FANCA: variants seen among roughly 807,000 people sequenced by gnomAD.
The protein encoded by FANCA is Fanconi anemia group A protein.
Under a neutral mutation model 194.3 loss-of-function variants are expected in FANCA, and 236 were observed. The observed-to-expected ratio is 1.21, with a 90% CI of 1.09 to 1.35. FANCA has a LOEUF of 1.35. Among genes scored for constraint, FANCA ranks in the 40% most tolerant of loss-of-function variants. FANCA has a pLI of 0.00. For synonymous variants in FANCA, 1,014 were observed against 715.8 expected (o/e 1.42, Z -6.65); for missense variants, 2,628 against 1,813.9 (o/e 1.45, Z -8.15).
At chr16:89,757,924 C>T (rs556487098) in intron 30 of FANCA, among the ~76,000 whole-genome samples, 2 of 152,136 alleles carry the variant, frequency 1.3e-5, no homozygotes, top group South Asian at 2.1e-4. Context: ...GTCGCCCAGT[C>T]GGCTCACTGC....
intron 30 of FANCA, among the ~76,000 whole-genome samples, chr16:89,756,558 G>A (rs956956823): frequency 2.0e-5 from 3 of 152,312 alleles, no homozygotes; most frequent in South Asian, 2.1e-4. Flanking sequence ...CCAGGAGGTC[G>A]AGGCTGCAGT....
intron 2 of FANCA, 70 bp downstream of exon 2, chr16:89,815,807 C>T: frequency 8.3e-7 from 1 of 1,210,340 alleles, no homozygotes; most frequent in Non-Finnish European, 1.2e-6. Context: ...CTTAGGAAAG[C>T]TGTGCGGTGG....
At chr16:89,756,869 C>T (rs546944994) in intron 30 of FANCA, among the ~76,000 whole-genome samples, 1 of 152,314 alleles carries the variant, frequency 6.6e-6, no homozygotes, top group South Asian at 2.1e-4. Context: ...CATCCCTGCA[C>T]TGTTACCCCC....
At position 89,814,631 on chromosome 16, in the gene FANCA, A is replaced by G. The variant is rs1368096418; in HGVS notation, c.190-18T>C. On this transcript the variant is annotated intron_variant, in intron 2 of 42. Transcript: ENST00000389301. ...CCTTCTACCTAGAATCCAAAACACA[A>G]CAAACTCCATTTAAAAAATTCAAGC... 11 of 1,582,186 alleles carry G rather than the reference A, an allele frequency of 7.0e-6. No individual in the cohort carries two copies. Among genetic ancestry groups the G allele is most frequent in the Non-Finnish European group, 9.6e-6 (11 of 1,151,210 alleles).
intron 6 of FANCA, 46 bp from the exon 7 acceptor site, chr16:89,805,438 T>C: frequency 6.8e-7 from 1 of 1,476,898 alleles, no homozygotes; most frequent in Non-Finnish European, 9.4e-7. Context: ...CTAAATCCCA[T>C]CATCAGGGGA....
At chr16:89,763,210 G>A (rs2039011907) in intron 28 of FANCA, among the ~76,000 whole-genome samples, 1 of 151,782 alleles carries the variant, frequency 6.6e-6, no homozygotes, top group African/African-American at 2.4e-5. Context: ...TTGTGCCACT[G>A]CACTCCAGCC....
At position 89,788,335 on chromosome 16, in the gene FANCA, C is replaced by T. The variant is rs571224648; in HGVS notation, c.1359+3068G>A. On this transcript the variant is annotated intron_variant, in intron 14 of 42. Coordinates refer to ENST00000389301, the MANE Select transcript of FANCA (RefSeq NM_000135.4). ...AATTAGCCAGGTGTGGTGGCAGGCA[C>T]CTGTAGTCCCAGCTACTCAGGAGGC... Among the ~76,000 whole-genome samples, 3 of 152,220 alleles carry T rather than the reference C, an allele frequency of 2.0e-5. No homozygotes were observed. The South Asian group carries it at 6.2e-4, about 32-fold the overall frequency.
Position 89,791,023 on chromosome 16 carries a change from G to GTTT in FANCA, c.1359+377_1359+379dup, listed in dbSNP as rs11355118. On this transcript the variant is annotated intron_variant, in intron 14 of 42. Coordinates refer to ENST00000389301, the MANE Select transcript of FANCA (RefSeq NM_000135.4). Reference sequence around the variant, plus strand: ...TTTTGTTTTGTGTGTGTGTGTGTGTGTTTTTTTTTTTTTTTTTTTTTTTTT... The same window carrying GTTT: ...TTTTGTTTTGTGTGTGTGTGTGTGTGTTTTTTTTTTTTTTTTTTTTTTTTTTTT... 125 of 94,824 alleles carry GTTT rather than the reference G, an allele frequency of 1.3e-3. 1 individual carries two copies. Among genetic ancestry groups the GTTT allele is most frequent in the Admixed American group, 3.6e-3 (20 of 5,590 alleles). The allele number at this position is 94,824 out of a possible 1,614,324, so 5.9% of individuals were successfully genotyped here.
At chr16:89,743,823 C>CAAACA (rs747049990) in intron 36 of FANCA, among the ~76,000 whole-genome samples, 1 of 152,082 alleles carries the variant, frequency 6.6e-6, no homozygotes, top group South Asian at 2.1e-4. Context: ...AACTCTGTCT[C>CAAACA]AAACAAAACA....
At chr16:89,741,841 G>A (rs1371208815) in intron 37 of FANCA, among the ~76,000 whole-genome samples, 1 of 152,180 alleles carries the variant, frequency 6.6e-6, no homozygotes, top group Admixed American at 6.5e-5. Context: ...CATGAACACA[G>A]AAGGCACCAC....
At chr16:89,806,671 G>T (rs1031796818) in intron 6 of FANCA, among the ~76,000 whole-genome samples, 5 of 152,130 alleles carry the variant, frequency 3.3e-5, no homozygotes, top group African/African-American at 1.2e-4. Context: ...TGGGGGCAAG[G>T]TCACAGATCA....
chr16:89,746,128 G>C (rs1185109780), intron 35 of FANCA, among the ~76,000 whole-genome samples: 2 of 152,230 alleles, frequency 1.3e-5, no homozygotes, highest in Non-Finnish European at 2.9e-5. Flanking sequence ...AGGGGAGCCT[G>C]CTGAGCTCTG....
rs1598077091 is a variant in FANCA, at chr16:89,749,919, T to C, written c.3067-17A>G. On this transcript the variant is annotated splice_polypyrimidine_tract_variant and intron_variant, in intron 31 of 42. Transcript: ENST00000389301. ...TACCATCTCCTGAAAAAGAGCAGTA[T>C]GCTGGCACAGGAAGGCCTCGGGGCT... The C allele has an allele frequency of 1.2e-6, 2 of 1,613,704 alleles. No individual in the cohort carries two copies. Among genetic ancestry groups the C allele is most frequent in the Non-Finnish European group, 8.5e-7 (1 of 1,180,010 alleles).
intron 10 of FANCA, 125 bp downstream of exon 10, chr16:89,799,041 T>G (rs779602819): frequency 3.1e-6 from 5 of 1,614,268 alleles, no homozygotes; most frequent in Non-Finnish European, 4.2e-6. Context: ...TTATCGTAAC[T>G]GGCAGAGGAA....
At chr16:89,772,601 G>A (rs1055408753) in intron 22 of FANCA, among the ~76,000 whole-genome samples, 3 of 152,152 alleles carry the variant, frequency 2.0e-5, no homozygotes, top group African/African-American at 7.2e-5. Context: ...TGGATCACCT[G>A]AGGTCAGGAT....
intron 26 of FANCA, among the ~76,000 whole-genome samples, chr16:89,767,558 C>T (rs75283257): frequency 6.6e-6 from 1 of 150,518 alleles, no homozygotes; most frequent in Non-Finnish European, 1.5e-5. Context: ...GTTGTTAGTG[C>T]TTTTTTTTTG....
At position 89,770,150 on chromosome 16, in the gene FANCA, T is replaced by C. The variant is rs779657463; in HGVS notation, c.2316+16A>G. 4 of 1,578,930 alleles carry C rather than the reference T, an allele frequency of 2.5e-6. No homozygotes were observed. The African/African-American group carries it at 5.4e-5, about 21-fold the overall frequency. On this transcript the variant is annotated intron_variant, in intron 25 of 42. Transcript: ENST00000389301. Reference sequence around the variant, plus strand: ...AGTGGGCCCCCAAGGGTGGCCCCCATGAAGGAGAGCCTCACCTGGTGACGG... The same window carrying C: ...AGTGGGCCCCCAAGGGTGGCCCCCACGAAGGAGAGCCTCACCTGGTGACGG...
intron 30 of FANCA, among the ~76,000 whole-genome samples, chr16:89,753,463 G>A (rs926467664): frequency 1.3e-5 from 2 of 152,162 alleles, no homozygotes; most frequent in African/African-American, 4.8e-5. Context: ...CCTACACAAG[G>A]ATAGCTTAAG....
chr16:89,805,642 C>G (rs570206420), intron 6 of FANCA, among the ~76,000 whole-genome samples: 2 of 152,216 alleles, frequency 1.3e-5, no homozygotes, highest in East Asian at 3.9e-4. Context: ...TACTACTTTG[C>G]CCAGGCTGGA....
Sources: allele counts gnomAD v4.1 joint callset (sites outside exome capture counted in the v4.1 genomes callset), GRCh38; gene constraint gnomAD v4.1.1; transcripts MANE v1.5; gene names NCBI Gene and HGNC (gene_info 2026-07-23, HGNC 2026-07-21).